The following ZSCAN5A variants were observed in gnomAD, a reference collection of about 807,000 sequenced individuals.
ZSCAN5A encodes the protein zinc finger and SCAN domain-containing protein 5A.
ZSCAN5A carries 12 observed loss-of-function variants against 23.7 expected under a neutral mutation model. The ratio of observed to expected loss-of-function variants is 0.51; its 90% CI spans 0.32 to 0.82. The LOEUF (loss-of-function observed/expected upper bound fraction) is 0.82, where lower values mean the gene tolerates loss of function less well. Ranked by LOEUF, ZSCAN5A falls within the 40% of genes least tolerant of loss-of-function variation. The pLI, the probability that ZSCAN5A is intolerant of heterozygous loss-of-function variation, is 0.03. For missense variants in ZSCAN5A, 597 were observed against 617.9 expected, an observed-to-expected ratio of 0.97 and a Z score of 0.36; for synonymous variants, 257 against 239.9, an observed-to-expected ratio of 1.07 and a Z score of -0.66.
At chr19:56,291,550 CTCCT>C (rs1226338229) in intron 2 of ZSCAN5A, among the ~76,000 whole-genome samples, 1 of 152,078 alleles carries the variant, frequency 6.6e-6, no homozygotes, top group Non-Finnish European at 1.5e-5. Flanking sequence ...TTCCTCTCCT[CTCCT>C]TCCTTCCTTC....
At chr19:56,334,943 A>C (rs1239375112) in intron 2 of ZSCAN5A, among the ~76,000 whole-genome samples, 3 of 152,220 alleles carry the variant, frequency 2.0e-5, no homozygotes, top group Admixed American at 6.5e-5. Flanking sequence ...AACTGGGCTG[A>C]GATGGCTGAA....
chr19:56,262,945 G>A (rs2037230293), intron 2 of ZSCAN5A, among the ~76,000 whole-genome samples: 1 of 152,042 alleles, frequency 6.6e-6, no homozygotes, highest in South Asian at 2.1e-4. Flanking sequence ...ATGTCTTTTG[G>A]TAGAAACAAT....
At chr19:56,328,631 C>T (rs1235801212) in intron 2 of ZSCAN5A, among the ~76,000 whole-genome samples, 1 of 146,772 alleles carries the variant, frequency 6.8e-6, no homozygotes, top group Admixed American at 6.8e-5. Flanking sequence ...ATGACTCTGA[C>T]TCAAAAAAAA....
At chr19:56,225,291 A>AG in intron 2 of ZSCAN5A, 118 bp from the exon 3 acceptor site, 7 of 973,382 alleles carry the variant, frequency 7.2e-6, no homozygotes, top group Non-Finnish European at 8.4e-6. Context: ...GCACAGTGGA[A>AG]ATCTTCCAGT....
intron 2 of ZSCAN5A, among the ~76,000 whole-genome samples, chr19:56,276,169 T>C (rs184770556): frequency 6.6e-6 from 1 of 152,338 alleles, no homozygotes; most frequent in Non-Finnish European, 1.5e-5. Context: ...AAAATTCTTT[T>C]CGATCTTGCA....
At chr19:56,259,493 C>A (rs1301082508) in intron 2 of ZSCAN5A, among the ~76,000 whole-genome samples, 1 of 152,184 alleles carries the variant, frequency 6.6e-6, no homozygotes, top group Non-Finnish European at 1.5e-5. Flanking sequence ...CTCGTTTACC[C>A]GTTCTGTCCT....
At position 56,309,775 on chromosome 19, in the gene ZSCAN5A, C is replaced by G. The variant is rs117797618; in HGVS notation, c.-128+3508G>C. On this transcript the variant is annotated intron_variant, in intron 2 of 5. Coordinates refer to ENST00000683990, the MANE Select transcript of ZSCAN5A (RefSeq NM_001322064.3). ...TAGGGGTGCAACACAAGCTCAGGCCCGGCGCCGGGACAGTGAGGAACTGGA... is the reference window on the plus strand; with the variant it reads ...TAGGGGTGCAACACAAGCTCAGGCCGGGCGCCGGGACAGTGAGGAACTGGA... Among the ~76,000 whole-genome samples the G allele has an allele frequency of 5.9e-3, 904 of 152,322 alleles. 10 individuals are homozygous for G. Among genetic ancestry groups the G allele is most frequent in the African/African-American group, 0.02 (848 of 41,574 alleles).
At chr19:56,231,996 C>CTTTTTTTTTTTTTTTTTTTTTTTTTT (rs59525392) in intron 2 of ZSCAN5A, among the ~76,000 whole-genome samples, 1 of 124,986 alleles carries the variant, frequency 8.0e-6, no homozygotes, top group Non-Finnish European at 1.6e-5. Context: ...TTTTTCTTTT[C>CTTTTTTTTTTTTTTTTTTTTTTTTTT]TTTTTTTTTG....
chr19:56,239,504 TAA>T (rs1238338443), intron 2 of ZSCAN5A, among the ~76,000 whole-genome samples: 1 of 152,192 alleles, frequency 6.6e-6, no homozygotes, highest in East Asian at 1.9e-4. Context: ...AGTGTATCTA[TAA>T]ACCACCCTCT....
At chr19:56,225,730 CTT>C (rs2033861364) in intron 2 of ZSCAN5A, among the ~76,000 whole-genome samples, 1 of 152,156 alleles carries the variant, frequency 6.6e-6, no homozygotes, top group Admixed American at 6.5e-5. Flanking sequence ...TTTTTACTCT[CTT>C]CAAGTTCACG....
At chr19:56,292,403 C>T (rs1214598356) in intron 2 of ZSCAN5A, among the ~76,000 whole-genome samples, 1 of 151,932 alleles carries the variant, frequency 6.6e-6, no homozygotes, top group Non-Finnish European at 1.5e-5. Flanking sequence ...ACTGGGACTA[C>T]AGGTGTGCAT....
intron 2 of ZSCAN5A, among the ~76,000 whole-genome samples, chr19:56,241,411 TTC>T (rs920250688): frequency 1.2e-4 from 18 of 152,198 alleles, no homozygotes; most frequent in Non-Finnish European, 2.6e-4. Context: ...AGGCTCTCTT[TTC>T]TCTCTCATAT....
At chr19:56,304,893 C>T (rs1374424703) in intron 2 of ZSCAN5A, 7 of 654,312 alleles carry the variant, frequency 1.1e-5, no homozygotes, top group Non-Finnish European at 1.3e-5. Flanking sequence ...GAGGTTCATC[C>T]CAACTGCCTG....
intron 2 of ZSCAN5A, chr19:56,245,278 G>A (rs748951901): frequency 2.2e-5 from 16 of 716,578 alleles, no homozygotes; most frequent in Non-Finnish European, 3.6e-5. Context: ...ATGTCGAGAT[G>A]GCTGAAATCC....
intron 2 of ZSCAN5A, among the ~76,000 whole-genome samples, chr19:56,234,508 C>A (rs1373332039): frequency 2.0e-5 from 3 of 151,522 alleles, no homozygotes; most frequent in Non-Finnish European, 4.4e-5. Flanking sequence ...AAAAAAAAAA[C>A]AACAAGGAAG....
intron 2 of ZSCAN5A, among the ~76,000 whole-genome samples, chr19:56,273,852 T>C (rs115099495): frequency 0.016 from 2,489 of 152,228 alleles, 28 homozygotes; most frequent in South Asian, 0.05. Context: ...AGGAGTGTCA[T>C]ATTTAGGAGC....
chr19:56,277,294 C>T (rs1336043979), intron 2 of ZSCAN5A, among the ~76,000 whole-genome samples: 1 of 152,172 alleles, frequency 6.6e-6, no homozygotes, highest in African/African-American at 2.4e-5. Flanking sequence ...AGCATGCATC[C>T]ATTAATGAAT....
In ZSCAN5A at chr19:56,222,211, G is replaced by A. The variant is rs376507043; in HGVS notation, c.855C>T (p.Ser285=). Reference sequence around the variant, plus strand: ...GATTCAGAGCGTCTCCTCTGTTCCCGCTGTGAGTCGAAGCTTCTCTCTCCA... The same window carrying A: ...GATTCAGAGCGTCTCCTCTGTTCCCACTGTGAGTCGAAGCTTCTCTCTCCA... ...CVVEREASTH[S]GNRGDALNLS... Residue 285 remains serine (S), a synonymous_variant, in exon 6 of 6, where the codon AGC becomes AGT. Coordinates refer to ENST00000683990, the MANE Select transcript of ZSCAN5A (RefSeq NM_001322064.3). The A allele has an allele frequency of 7.3e-5, 117 of 1,613,794 alleles. No individual in the cohort carries two copies. Among genetic ancestry groups the A allele is most frequent in the Non-Finnish European group, 9.3e-5 (110 of 1,179,912 alleles).
chr19:56,314,374 G>A (rs1456249471), intron 1 of ZSCAN5A: 2 of 152,124 alleles, frequency 1.3e-5, no homozygotes, highest in Non-Finnish European at 2.9e-5. Flanking sequence ...CGGGAGGGAA[G>A]GAAAAAAGAG....
Sources: gnomAD v4.1 joint callset for allele counts (sites outside exome capture counted in the v4.1 genomes callset) on GRCh38, gnomAD v4.1.1 for gene constraint, MANE v1.5 for transcripts, NCBI Gene and HGNC (gene_info 2026-07-23, HGNC 2026-07-21) for gene names.